PTPRT: variants seen among roughly 807,000 people sequenced by gnomAD.
The protein encoded by PTPRT is receptor-type tyrosine-protein phosphatase T.
PTPRT carries 56 observed loss-of-function variants against 176.8 expected under a neutral mutation model. That is an observed-to-expected ratio of 0.32 (90% CI 0.26 to 0.40). The LOEUF is 0.40. Among genes scored for constraint, PTPRT ranks in the 10% least tolerant of loss-of-function variants. The pLI is 1.00. For missense variants in PTPRT, 1,540 were observed against 1,908.2 expected (o/e 0.81, Z 3.60); for synonymous variants, 783 against 739.0 (o/e 1.06, Z -0.96).
At chr20:42,192,909 C>T (rs55796708) in intron 16 of PTPRT, among the ~76,000 whole-genome samples, 24,688 of 152,148 alleles carry the variant, frequency 0.16, 2,534 homozygotes, top group Non-Finnish European at 0.22. Context: ...CGTACATCCA[C>T]TTGGCAGCTG....
At chr20:42,440,635 A>G (rs947290368) in intron 9 of PTPRT, among the ~76,000 whole-genome samples, 1 of 151,742 alleles carries the variant, frequency 6.6e-6, no homozygotes, top group Non-Finnish European at 1.5e-5. Flanking sequence ...CCGCCACCAC[A>G]CCCAGCTAAT....
At chr20:42,091,222 A>G (rs1476379909) in intron 27 of PTPRT, among the ~76,000 whole-genome samples, 1 of 152,236 alleles carries the variant, frequency 6.6e-6, no homozygotes, top group East Asian at 1.9e-4. Context: ...TATTCCACCT[A>G]GTGCTCTCCA....
intron 1 of PTPRT, among the ~76,000 whole-genome samples, chr20:43,041,854 GA>G (rs1986619803): frequency 1.3e-5 from 2 of 152,264 alleles, no homozygotes; most frequent in East Asian, 3.9e-4. Flanking sequence ...TGGGAAAATT[GA>G]GTACATGAGG....
chr20:42,882,473 AC>A (rs1333199153), intron 2 of PTPRT, among the ~76,000 whole-genome samples: 1 of 152,188 alleles, frequency 6.6e-6, no homozygotes, highest in Non-Finnish European at 1.5e-5. Flanking sequence ...AAAAAGACAC[AC>A]TTTTACTCAG....
intron 13 of PTPRT, among the ~76,000 whole-genome samples, chr20:42,257,791 C>T (rs1256976888): frequency 6.6e-6 from 1 of 151,870 alleles, no homozygotes; most frequent in Non-Finnish European, 1.5e-5. Context: ...GCCTACAGAA[C>T]CATGAGCCAA....
chr20:42,385,096 C>A (rs888153174), intron 9 of PTPRT, among the ~76,000 whole-genome samples: 2 of 152,188 alleles, frequency 1.3e-5, no homozygotes, highest in South Asian at 4.2e-4. Flanking sequence ...TGATGTGATT[C>A]CAATGGCCTA....
intron 5 of PTPRT, among the ~76,000 whole-genome samples, chr20:42,763,407 T>G (rs892715827): frequency 6.6e-6 from 1 of 152,182 alleles, no homozygotes; most frequent in Non-Finnish European, 1.5e-5. Context: ...GATATTCTAA[T>G]GCAGGATCCT....
rs1986474139 is a variant in PTPRT at position 42,106,685 on chromosome 20, TCCATAGGATGCCCCTA to T, written c.3390+85_3390+100del. 8 of 1,453,410 alleles carry T rather than the reference TCCATAGGATGCCCCTA, an allele frequency of 5.5e-6. No homozygotes were observed. In the African/African-American group the frequency reaches 7.0e-5, roughly 13 times the overall value. The allele number at this position is 1,453,410 out of a possible 1,614,324, so 90.0% of individuals were successfully genotyped here. A position where few individuals can be genotyped will look rare whatever the true frequency, so the allele number is the denominator to read the frequency against. On this transcript the variant is annotated intron_variant, in intron 24 of 30. Transcript: ENST00000373187. ...CTGCTTCTCTCACACCCAGGTCCTTTCCATAGGATGCCCCTACCTATGTGTCTCTCCGTTCTATCAT... is the reference window on the plus strand; with the variant it reads ...CTGCTTCTCTCACACCCAGGTCCTTTCCTATGTGTCTCTCCGTTCTATCAT...
intron 1 of PTPRT, among the ~76,000 whole-genome samples, chr20:43,037,739 A>G (rs2425544): frequency 0.42 from 63,245 of 152,020 alleles, 16,744 homozygotes; most frequent in African/African-American, 0.75. Flanking sequence ...CTCATTGGGT[A>G]CACCTATGAC....
chr20:42,731,725 G>A (rs2076463562), intron 6 of PTPRT, among the ~76,000 whole-genome samples: 1 of 152,140 alleles, frequency 6.6e-6, no homozygotes, highest in African/African-American at 2.4e-5. Context: ...TGGCCTCTAA[G>A]GTCTTAAGTG....
intron 8 of PTPRT, among the ~76,000 whole-genome samples, chr20:42,461,311 G>A (rs905247546): frequency 1.3e-5 from 2 of 152,102 alleles, no homozygotes; most frequent in Non-Finnish European, 2.9e-5. Context: ...TGGGCAACAA[G>A]AGTGAAACTC....
chr20:42,609,750 CT>C (rs1240626865), intron 7 of PTPRT, among the ~76,000 whole-genome samples: 1 of 152,198 alleles, frequency 6.6e-6, no homozygotes, highest in Non-Finnish European at 1.5e-5. Flanking sequence ...TCTAGGGAGG[CT>C]GTAGGCTGGC....
At chr20:43,145,365 T>G (rs2014139640) in intron 1 of PTPRT, among the ~76,000 whole-genome samples, 1 of 152,344 alleles carries the variant, frequency 6.6e-6, no homozygotes, top group African/African-American at 2.4e-5. Context: ...AATTTCCAAC[T>G]ATCAATCACC....
chr20:42,182,738 T>C (rs1990572442), intron 16 of PTPRT, among the ~76,000 whole-genome samples: 1 of 152,170 alleles, frequency 6.6e-6, no homozygotes, highest in South Asian at 2.1e-4. Context: ...CTCAAAATAC[T>C]GACTAATCAA....
At chr20:42,576,058 C>T (rs1462143485) in intron 7 of PTPRT, among the ~76,000 whole-genome samples, 2 of 152,146 alleles carry the variant, frequency 1.3e-5, no homozygotes, top group African/African-American at 4.8e-5. Context: ...GACTCAGGAC[C>T]GCTAGGAAAT....
rs529555570 is a variant in PTPRT, at chr20:42,877,061, C to G, written c.214+8746G>C. On this transcript the variant is annotated intron_variant, in intron 2 of 30. Coordinates refer to ENST00000373187, the MANE Select transcript of PTPRT (RefSeq NM_007050.6). ...TTGTGGTTGAAACAAGAGATATCAA[C>G]TATGACTATCTTTTAAAAAATACGA... Among the ~76,000 whole-genome samples, 55 of 152,174 alleles carry G rather than the reference C, an allele frequency of 3.6e-4. No homozygotes were observed. In the East Asian group the frequency reaches 9.8e-3, roughly 27 times the overall value.
intron 7 of PTPRT, among the ~76,000 whole-genome samples, chr20:42,655,835 G>C (rs2075115682): frequency 6.6e-6 from 1 of 152,194 alleles, no homozygotes; most frequent in African/African-American, 2.4e-5. Flanking sequence ...TGTTGAGGTA[G>C]GTAGAAAACA....
At chr20:42,313,726 C>T (rs761535350) in intron 12 of PTPRT, among the ~76,000 whole-genome samples, 1 of 152,070 alleles carries the variant, frequency 6.6e-6, no homozygotes, top group Non-Finnish European at 1.5e-5. Flanking sequence ...CAAGATGAGT[C>T]CCAGATGCTT....
At chr20:42,700,554 C>T (rs193296161) in intron 6 of PTPRT, among the ~76,000 whole-genome samples, 1 of 152,326 alleles carries the variant, frequency 6.6e-6, no homozygotes, top group African/African-American at 2.4e-5. Flanking sequence ...AACAAGCCGA[C>T]CTTATTACTC....
Sources: allele counts gnomAD v4.1 joint callset (sites outside exome capture counted in the v4.1 genomes callset), GRCh38; gene constraint gnomAD v4.1.1; transcripts MANE v1.5; gene names NCBI Gene and HGNC (gene_info 2026-07-23, HGNC 2026-07-21).